The following IQCM variants were observed in gnomAD, a reference collection of about 807,000 sequenced individuals.
The protein encoded by IQCM is IQ domain-containing protein M.
IQCM carries 45 observed loss-of-function variants against 57.6 expected under a neutral mutation model. The observed-to-expected ratio is 0.78, with a 90% CI of 0.62 to 1.00. The LOEUF is 1.00. IQCM is among the 50% of genes least tolerant of loss of function. The pLI is 0.00. For synonymous variants in IQCM, 148 were observed against 158.9 expected, an observed-to-expected ratio of 0.93 and a Z score of 0.51; for missense variants, 468 against 511.6, an observed-to-expected ratio of 0.91 and a Z score of 0.82.
intron 12 of IQCM, among the ~76,000 whole-genome samples, chr4:149,506,482 C>T (rs1489963950): frequency 6.6e-6 from 1 of 152,130 alleles, no homozygotes; most frequent in African/African-American, 2.4e-5. Context: ...TCAAGTGATA[C>T]TATCATTGTA....
chr4:149,781,134 A>C (rs1010124078), intron 2 of IQCM, among the ~76,000 whole-genome samples: 22 of 152,268 alleles, frequency 1.4e-4, no homozygotes, highest in East Asian at 3.9e-4. Flanking sequence ...AGAAAAGAAG[A>C]AGCAGAAAGC....
At chr4:149,749,270 G>T (rs1768211482) in intron 2 of IQCM, among the ~76,000 whole-genome samples, 2 of 152,154 alleles carry the variant, frequency 1.3e-5, no homozygotes, top group Admixed American at 1.3e-4. Flanking sequence ...AGTGCTATTT[G>T]TAACAGCTAA....
intron 8 of IQCM, among the ~76,000 whole-genome samples, chr4:149,612,692 T>C (rs1382591041): frequency 1.3e-5 from 2 of 149,592 alleles, no homozygotes. Flanking sequence ...TAACTGTAAC[T>C]GTAAACTACA....
At position 149,724,709 on chromosome 4, in the gene IQCM, G is replaced by C. The variant is rs116546786; in HGVS notation, c.385+8535C>G. Among the ~76,000 whole-genome samples the C allele has an allele frequency of 6.7e-3, 1,012 of 152,040 alleles. 13 individuals carry two copies. Among genetic ancestry groups the C allele is most frequent in the African/African-American group, 0.023 (945 of 41,486 alleles). On this transcript the variant is annotated intron_variant, in intron 5 of 13. Transcript: ENST00000636793. Reference sequence around the variant, plus strand: ...AATGAAATCTTGTTGAGCTTAATTAGAGCCTGTTTTCAAATTTAAATAACT... The same window carrying C: ...AATGAAATCTTGTTGAGCTTAATTACAGCCTGTTTTCAAATTTAAATAACT...
At chr4:149,453,283 C>T (rs1359105755) in intron 12 of IQCM, among the ~76,000 whole-genome samples, 4 of 151,678 alleles carry the variant, frequency 2.6e-5, no homozygotes, top group South Asian at 2.1e-4. Context: ...ATTTTCATAA[C>T]CTTGGGTTAG....
At chr4:149,811,744 C>T (rs1391782207) in intron 2 of IQCM, among the ~76,000 whole-genome samples, 1 of 152,146 alleles carries the variant, frequency 6.6e-6, no homozygotes, top group Non-Finnish European at 1.5e-5. Flanking sequence ...TTTCCTTTTT[C>T]TCTCTTCCTG....
At chr4:149,673,317 C>A (rs1382073087) in intron 7 of IQCM, among the ~76,000 whole-genome samples, 1 of 151,976 alleles carries the variant, frequency 6.6e-6, no homozygotes. Context: ...AATTAAAAGA[C>A]ACAGACTGGC....
At chr4:149,570,704 T>C (rs928411465) in intron 9 of IQCM, among the ~76,000 whole-genome samples, 2 of 152,116 alleles carry the variant, frequency 1.3e-5, no homozygotes, top group South Asian at 2.1e-4. Flanking sequence ...CATATGATTC[T>C]AGTTTTGCTA....
intron 5 of IQCM, among the ~76,000 whole-genome samples, chr4:149,722,062 C>T (rs1765495119): frequency 6.6e-6 from 1 of 151,970 alleles, no homozygotes; most frequent in Non-Finnish European, 1.5e-5. Context: ...GAGAATTCTT[C>T]ATATGTTTTT....
chr4:149,369,807 A>C (rs1730235286), intron 13 of IQCM, among the ~76,000 whole-genome samples: 1 of 152,230 alleles, frequency 6.6e-6, no homozygotes. Flanking sequence ...TTAGATAGCA[A>C]CATTTAATAG....
At chr4:149,810,291 T>C (rs546385929) in intron 2 of IQCM, among the ~76,000 whole-genome samples, 2 of 142,246 alleles carry the variant, frequency 1.4e-5, no homozygotes, top group Non-Finnish European at 3.0e-5. Context: ...GGGCCCAGGA[T>C]GCAGAGGTTG....
intron 2 of IQCM, among the ~76,000 whole-genome samples, chr4:149,809,144 A>G (rs1009222244): frequency 6.6e-6 from 1 of 151,610 alleles, no homozygotes; most frequent in Non-Finnish European, 1.5e-5. Flanking sequence ...TTTATGAAAA[A>G]CCCAGCTACC....
chr4:149,637,303 A>G (rs1757815379), intron 7 of IQCM, among the ~76,000 whole-genome samples: 1 of 152,162 alleles, frequency 6.6e-6, no homozygotes, highest in Non-Finnish European at 1.5e-5. Context: ...CAAGACTTTG[A>G]GTATTAAGGG....
chr4:149,476,556 T>G (rs1299249362), intron 12 of IQCM, among the ~76,000 whole-genome samples: 1 of 152,088 alleles, frequency 6.6e-6, no homozygotes, highest in Non-Finnish European at 1.5e-5. Context: ...AGACTGGGAC[T>G]ATAGGCTTGT....
chr4:149,374,656 C>G (rs534394436), intron 13 of IQCM, among the ~76,000 whole-genome samples: 1 of 152,162 alleles, frequency 6.6e-6, no homozygotes, highest in Admixed American at 6.6e-5. Flanking sequence ...AATAATAATG[C>G]TATTAATGAA....
chr4:149,545,852 G>A (rs1398978159), intron 12 of IQCM, among the ~76,000 whole-genome samples: 1 of 151,844 alleles, frequency 6.6e-6, no homozygotes, highest in Non-Finnish European at 1.5e-5. Context: ...AAGTTCTAGG[G>A]TACATGTGCA....
At chr4:149,528,261 C>A (rs1038585766) in intron 12 of IQCM, among the ~76,000 whole-genome samples, 2 of 148,058 alleles carry the variant, frequency 1.4e-5, no homozygotes, top group Non-Finnish European at 3.0e-5. Context: ...GCTGGGATTA[C>A]AGGCGTGAGC....
chr4:149,612,035 T>C (rs1755344554), intron 8 of IQCM, among the ~76,000 whole-genome samples: 2 of 151,672 alleles, frequency 1.3e-5, no homozygotes, highest in South Asian at 4.1e-4. Flanking sequence ...CCTCAAGAAA[T>C]GTACAATCAT....
intron 13 of IQCM, chr4:149,430,114 T>C (rs961972184): frequency 1.2e-6 from 1 of 830,976 alleles, no homozygotes; most frequent in Admixed American, 4.3e-5. Context: ...TTTCTCATAA[T>C]TTTCCTTCTT....
Sources: allele counts gnomAD v4.1 joint callset (sites outside exome capture counted in the v4.1 genomes callset), GRCh38; gene constraint gnomAD v4.1.1; transcripts MANE v1.5; gene names NCBI Gene and HGNC (gene_info 2026-07-23, HGNC 2026-07-21).